The following XIRP2 variants were observed in gnomAD, a reference collection of about 807,000 sequenced individuals.
The protein encoded by XIRP2 is xin actin binding repeat containing 2.
A neutral mutation model predicts 277.0 loss-of-function variants in XIRP2; 236 were observed. That is an observed-to-expected ratio of 0.85 (90% CI 0.77 to 0.95). XIRP2 has a LOEUF of 0.95. Among genes scored for constraint, XIRP2 ranks in the 40% least tolerant of loss-of-function variants. The pLI, the probability that XIRP2 is intolerant of heterozygous loss-of-function variation, is 0.00. For synonymous variants in XIRP2, 1,490 were observed against 1,416.5 expected (o/e 1.05, Z -1.17); for missense variants, 4,640 against 4,157.5 (o/e 1.12, Z -3.19).
intron 6 of XIRP2, 123 bp from the exon 7 acceptor site, chr2:167,240,541 G>A (rs921349238): frequency 2.7e-6 from 2 of 738,526 alleles, no homozygotes; most frequent in African/African-American, 1.8e-5. Flanking sequence ...AGCTTAATTA[G>A]CATCTCTCAA....
rs1436142587 is a variant in XIRP2 at position 167,259,111 on chromosome 2, T to C, written c.*1294T>C. Reference sequence around the variant, plus strand: ...CCAAGAAAAATGAGAACATTTTCAATTGTGATTTAATAGATTCTGTAGATC... The same window carrying C: ...CCAAGAAAAATGAGAACATTTTCAACTGTGATTTAATAGATTCTGTAGATC... On this transcript the variant is annotated 3_prime_UTR_variant, in exon 11 of 11. Transcript: ENST00000409195. The C allele has an allele frequency of 1.9e-6, 3 of 1,611,608 alleles. No individual in the cohort carries two copies. Among genetic ancestry groups the C allele is most frequent in the South Asian group, 2.2e-5 (2 of 90,994 alleles).
intron 2 of XIRP2, among the ~76,000 whole-genome samples, chr2:167,108,563 T>A (rs1248832783): frequency 6.6e-6 from 1 of 152,074 alleles, no homozygotes; most frequent in African/African-American, 2.4e-5. Context: ...GTTGAATGTA[T>A]TTTTTAAAGA....
In XIRP2 at chr2:167,141,964, C is replaced by G. The variant is rs1691733231; in HGVS notation, c.562+5902C>G. On this transcript the variant is annotated intron_variant, in intron 3 of 10. Transcript: ENST00000409195. Reference sequence around the variant, plus strand: ...AATATTCTCTGAATGATCCCAGGCCCCCTAGTTGGAGCAACTATATTGCTG... The same window carrying G: ...AATATTCTCTGAATGATCCCAGGCCGCCTAGTTGGAGCAACTATATTGCTG... 2.0e-5 allele frequency among the ~76,000 whole-genome samples: 3 copies of G among 152,108 alleles called. No individual in the cohort carries two copies. The South Asian group carries it at 6.2e-4, about 31-fold the overall frequency.
At chr2:167,155,895 A>C (rs183867960) in intron 3 of XIRP2, among the ~76,000 whole-genome samples, 104 of 151,260 alleles carry the variant, frequency 6.9e-4, no homozygotes, top group African/African-American at 2.3e-3. Context: ...CAACTTCAGC[A>C]AAGTCTCAGG....
chr2:167,245,393 T>G lies in XIRP2; in HGVS notation c.4001T>G (p.Val1334Gly), dbSNP rs370851004. 2.6e-5 allele frequency: 42 copies of G among 1,613,596 alleles called. No homozygotes were observed. The highest frequency in any genetic ancestry group is 6.8e-6 in the Non-Finnish European group (8 of 1,179,748). ...IQDREGSYHE[V>G]TTVKKEEVIH... Reference sequence around the variant, plus strand: ...GACCGAGAAGGGTCCTATCATGAAGTGACCACAGTTAAAAAAGAAGAGGTA... The same window carrying G: ...GACCGAGAAGGGTCCTATCATGAAGGGACCACAGTTAAAAAAGAAGAGGTA... The change falls in exon 9 of 11, where the codon GTG becomes GGG. Residue 1334 changes from valine (V) to glycine (G), a missense_variant. Transcript: ENST00000409195.
intron 2 of XIRP2, among the ~76,000 whole-genome samples, chr2:167,053,117 C>T (rs1236476368): frequency 6.6e-6 from 1 of 152,196 alleles, no homozygotes; most frequent in Non-Finnish European, 1.5e-5. Context: ...CCGTCTCCAT[C>T]AGTTATGATT....
At chr2:167,227,118 G>C (rs1694626275) in intron 5 of XIRP2, among the ~76,000 whole-genome samples, 1 of 152,106 alleles carries the variant, frequency 6.6e-6, no homozygotes, top group South Asian at 2.1e-4. Flanking sequence ...CTCCCTTCTT[G>C]ATTTCTGATC....
chr2:166,975,014 G>T (rs1686674498), intron 2 of XIRP2, among the ~76,000 whole-genome samples: 1 of 151,988 alleles, frequency 6.6e-6, no homozygotes, highest in Admixed American at 6.6e-5. Context: ...TAGACTTCAA[G>T]ACAAGAAATG....
intron 2 of XIRP2, among the ~76,000 whole-genome samples, chr2:167,120,657 G>T (rs1335150763): frequency 6.6e-6 from 1 of 152,046 alleles, no homozygotes; most frequent in Non-Finnish European, 1.5e-5. Flanking sequence ...TAATTAGAAG[G>T]CTCTGTCTTA....
chr2:167,199,913 G>C (rs191876748), intron 3 of XIRP2, among the ~76,000 whole-genome samples: 147 of 152,242 alleles, frequency 9.7e-4, no homozygotes, highest in African/African-American at 3.4e-3. Flanking sequence ...GAATGAAAAA[G>C]GGATACATTA....
At chr2:167,177,464 T>TTAAG (rs1318087448) in intron 3 of XIRP2, among the ~76,000 whole-genome samples, 2 of 152,188 alleles carry the variant, frequency 1.3e-5, no homozygotes, top group Non-Finnish European at 2.9e-5. Flanking sequence ...TTCCATGTTA[T>TTAAG]TAAGTATTCT....
At chr2:167,114,679 A>G (rs920781319) in intron 2 of XIRP2, among the ~76,000 whole-genome samples, 1 of 147,462 alleles carries the variant, frequency 6.8e-6, no homozygotes, top group Non-Finnish European at 1.5e-5. Flanking sequence ...CCCATCTATG[A>G]GTGAGAACAT....
intron 2 of XIRP2, among the ~76,000 whole-genome samples, chr2:167,055,880 C>A (rs889857421): frequency 6.6e-6 from 1 of 151,990 alleles, no homozygotes; most frequent in Non-Finnish European, 1.5e-5. Context: ...GACTATATAC[C>A]CTAGGATTCA....
intron 2 of XIRP2, among the ~76,000 whole-genome samples, chr2:166,952,671 G>T (rs1219345462): frequency 6.6e-6 from 1 of 151,514 alleles, no homozygotes; most frequent in Non-Finnish European, 1.5e-5. Context: ...AACTTTCATT[G>T]GTTCAACTTA....
At chr2:166,985,009 G>T (rs571585703) in intron 2 of XIRP2, among the ~76,000 whole-genome samples, 2 of 152,300 alleles carry the variant, frequency 1.3e-5, no homozygotes, top group African/African-American at 4.8e-5. Flanking sequence ...TGATTTCATT[G>T]AGTATAGCTA....
chr2:167,000,979 C>A (rs189337851), intron 2 of XIRP2, among the ~76,000 whole-genome samples: 10 of 152,066 alleles, frequency 6.6e-5, no homozygotes, highest in Non-Finnish European at 1.5e-4. Flanking sequence ...ACCAGGAGTT[C>A]GAGGTTATAG....
intron 8 of XIRP2, 43 bp downstream of exon 8, chr2:167,241,953 C>T (rs1695085872): frequency 6.4e-7 from 1 of 1,551,200 alleles, no homozygotes. Context: ...AGTGTAAGAC[C>T]AAGCTTAAAT....
chr2:166,988,221 C>T (rs538686129), intron 2 of XIRP2, among the ~76,000 whole-genome samples: 1 of 152,218 alleles, frequency 6.6e-6, no homozygotes, highest in Non-Finnish European at 1.5e-5. Flanking sequence ...GTATTATTGC[C>T]AAATACCTGT....
chr2:167,019,904 C>G (rs181231201), intron 2 of XIRP2, among the ~76,000 whole-genome samples: 90 of 152,116 alleles, frequency 5.9e-4, no homozygotes, highest in African/African-American at 1.9e-3. Context: ...TACTGCCAGT[C>G]TAAGTGCTTC....
Sources: gnomAD v4.1 joint callset for allele counts (sites outside exome capture counted in the v4.1 genomes callset) on GRCh38, gnomAD v4.1.1 for gene constraint, MANE v1.5 for transcripts, NCBI Gene and HGNC (gene_info 2026-07-23, HGNC 2026-07-21) for gene names.